Variants in CTNNA2 observed in about 807,000 individuals in gnomAD.
CTNNA2 encodes catenin alpha 2, also known as catenin alpha-2.
In CTNNA2, 42 loss-of-function variants were observed where a neutral mutation model predicts 101.0. The observed-to-expected ratio is 0.42, with a 90% CI of 0.32 to 0.54. The LOEUF is 0.54. Among genes scored for constraint, CTNNA2 ranks in the 20% least tolerant of loss-of-function variants. The pLI, the probability that CTNNA2 is intolerant of heterozygous loss-of-function variation, is 0.14. For missense variants in CTNNA2, 871 were observed against 1,223.1 expected, an observed-to-expected ratio of 0.71 and a Z score of 4.29; for synonymous variants, 450 against 456.4, an observed-to-expected ratio of 0.99 and a Z score of 0.18.
intron 1 of CTNNA2, among the ~76,000 whole-genome samples, chr2:79,643,492 C>T (rs921442677): frequency 1.1e-4 from 17 of 152,066 alleles, no homozygotes; most frequent in Non-Finnish European, 2.4e-4. Flanking sequence ...GGGTGGGTCC[C>T]GGAATTTGTG....
At chr2:80,296,146 T>C (rs753255851) in intron 7 of CTNNA2, among the ~76,000 whole-genome samples, 2 of 152,146 alleles carry the variant, frequency 1.3e-5, no homozygotes, top group Admixed American at 1.3e-4. Flanking sequence ...TGTGTAACAA[T>C]TGCATCATGG....
In CTNNA2 at chr2:80,146,612, G is replaced by A. The variant is rs115686228; in HGVS notation, c.1056+236815G>A. On this transcript the variant is annotated intron_variant, in intron 7 of 18. Transcript: ENST00000402739. ...TTACTTGAGTCTAGATTTGGACCACGAGACTCTCACTTTAACTGGTTAACC... is the reference window on the plus strand; with the variant it reads ...TTACTTGAGTCTAGATTTGGACCACAAGACTCTCACTTTAACTGGTTAACC... Among the ~76,000 whole-genome samples the A allele has an allele frequency of 3.8e-3, 576 of 150,572 alleles. 4 individuals are homozygous for A. The highest frequency in any genetic ancestry group is 0.013 in the African/African-American group (553 of 41,074).
At chr2:79,423,242 A>G (rs1314147766) in intron 4 of CTNNA2, among the ~76,000 whole-genome samples, 4 of 152,182 alleles carry the variant, frequency 2.6e-5, no homozygotes, top group Admixed American at 2.0e-4. Context: ...TCTGGTCAAT[A>G]GCACCAGATG....
chr2:79,889,450 C>T (rs1418689086), intron 6 of CTNNA2, among the ~76,000 whole-genome samples: 3 of 152,146 alleles, frequency 2.0e-5, no homozygotes, highest in Non-Finnish European at 4.4e-5. Flanking sequence ...TAACTGAGAA[C>T]ATAAATAGTC....
intron 7 of CTNNA2, among the ~76,000 whole-genome samples, chr2:80,088,963 T>C (rs1310994629): frequency 6.6e-6 from 1 of 151,870 alleles, no homozygotes; most frequent in Non-Finnish European, 1.5e-5. Flanking sequence ...CAACAGCAAA[T>C]TGGAGAGTGT....
At position 80,122,284 on chromosome 2, in the gene CTNNA2, T is replaced by C. The variant is rs140466519; in HGVS notation, c.1056+212487T>C. Among the ~76,000 whole-genome samples the C allele has an allele frequency of 2.0e-3, 307 of 151,346 alleles. 2 individuals carry two copies. The highest frequency in any genetic ancestry group is 7.1e-3 in the African/African-American group (293 of 41,240). On this transcript the variant is annotated intron_variant, in intron 7 of 18. Coordinates refer to ENST00000402739, the MANE Select transcript of CTNNA2 (RefSeq NM_001282597.3). ...GTTTCCCTCTCTTTCTTTGTCTCTG[T>C]CTCTCTCTCAATCTCTCTTCCCTCT...
rs111299414 is a variant in CTNNA2, at chr2:79,910,872, C to T, written c.1056+1075C>T. Reference sequence around the variant, plus strand: ...AGCAAGGAATGAGTGTTGACAGTAGCAGTGCTCCTCCTGCTGACCCTCCAG... The same window carrying T: ...AGCAAGGAATGAGTGTTGACAGTAGTAGTGCTCCTCCTGCTGACCCTCCAG... On this transcript the variant is annotated intron_variant, in intron 7 of 18. Coordinates refer to ENST00000402739, the MANE Select transcript of CTNNA2 (RefSeq NM_001282597.3). 5.2e-3 allele frequency among the ~76,000 whole-genome samples: 797 copies of T among 152,260 alleles called. 10 individuals carry two copies. The highest frequency in any genetic ancestry group is 0.019 in the African/African-American group (780 of 41,530).
intron 4 of CTNNA2, among the ~76,000 whole-genome samples, chr2:79,480,505 T>C (rs907298888): frequency 1.3e-5 from 2 of 152,216 alleles, no homozygotes; most frequent in African/African-American, 4.8e-5. Context: ...GGTTCTATTA[T>C]ATTAACATTG....
chr2:80,151,048 G>A (rs939998832), intron 7 of CTNNA2, among the ~76,000 whole-genome samples: 1 of 152,124 alleles, frequency 6.6e-6, no homozygotes, highest in African/African-American at 2.4e-5. Flanking sequence ...GAAGAAGTAG[G>A]CAGGGGCATT....
At chr2:80,331,961 G>C (rs1671373636) in intron 7 of CTNNA2, among the ~76,000 whole-genome samples, 1 of 152,068 alleles carries the variant, frequency 6.6e-6, no homozygotes, top group African/African-American at 2.4e-5. Flanking sequence ...GTGCATTTGG[G>C]CAGATGCTAT....
intron 9 of CTNNA2, 128 bp from the exon 10 acceptor site, chr2:80,544,854 G>T: frequency 2.8e-6 from 2 of 724,428 alleles, no homozygotes; most frequent in African/African-American, 1.8e-5. Flanking sequence ...GAAGGCCAGG[G>T]TACCCTTATC....
chr2:79,805,097 G>A (rs1290956039), intron 3 of CTNNA2, among the ~76,000 whole-genome samples: 2 of 152,122 alleles, frequency 1.3e-5, no homozygotes, highest in Admixed American at 1.3e-4. Flanking sequence ...GAAGCTGGAA[G>A]GATAAGTTGT....
chr2:79,500,360 C>T (rs776895271), intron 4 of CTNNA2, among the ~76,000 whole-genome samples: 6 of 152,094 alleles, frequency 3.9e-5, no homozygotes, highest in Non-Finnish European at 5.9e-5. Context: ...TGTTTACCAC[C>T]ATTTCTATGG....
At chr2:79,960,198 T>C (rs1178537975) in intron 7 of CTNNA2, among the ~76,000 whole-genome samples, 1 of 152,222 alleles carries the variant, frequency 6.6e-6, no homozygotes, top group Admixed American at 6.5e-5. Flanking sequence ...AGCCATTCTC[T>C]TGAAGGTTGG....
intron 7 of CTNNA2, among the ~76,000 whole-genome samples, chr2:80,366,699 G>A (rs991171188): frequency 3.9e-5 from 6 of 152,090 alleles, no homozygotes; most frequent in Non-Finnish European, 8.8e-5. Context: ...TGTTGTTGCA[G>A]TGTGTCAAAT....
chr2:80,091,045 T>A (rs1699763067), intron 7 of CTNNA2, among the ~76,000 whole-genome samples: 1 of 152,134 alleles, frequency 6.6e-6, no homozygotes, highest in South Asian at 2.1e-4. Context: ...TGTATTAACA[T>A]ATGAGTGTCA....
intron 7 of CTNNA2, among the ~76,000 whole-genome samples, chr2:79,986,734 G>C (rs1691789301): frequency 1.3e-5 from 2 of 152,140 alleles, no homozygotes; most frequent in Admixed American, 6.5e-5. Context: ...GGAAGGTTGA[G>C]TGGAAATAAA....
At chr2:80,223,489 G>A (rs1708694500) in intron 7 of CTNNA2, among the ~76,000 whole-genome samples, 1 of 152,166 alleles carries the variant, frequency 6.6e-6, no homozygotes, top group African/African-American at 2.4e-5. Context: ...GGTCAGGCTG[G>A]TCTCAAACTC....
chr2:79,721,707 A>G (rs530052633), intron 2 of CTNNA2, among the ~76,000 whole-genome samples: 7 of 152,344 alleles, frequency 4.6e-5, no homozygotes, highest in East Asian at 3.9e-4. Flanking sequence ...TTGGACTGCT[A>G]TCAAAACCTT....
Sources: allele counts gnomAD v4.1 joint callset (sites outside exome capture counted in the v4.1 genomes callset), GRCh38; gene constraint gnomAD v4.1.1; transcripts MANE v1.5; gene names NCBI Gene and HGNC (gene_info 2026-07-23, HGNC 2026-07-21).